The following STK32C variants were observed in gnomAD, a reference collection of about 807,000 sequenced individuals.
STK32C encodes the protein serine/threonine kinase 32C, also known as serine/threonine-protein kinase 32C.
A neutral mutation model predicts 56.5 loss-of-function variants in STK32C; 31 were observed. That is an observed-to-expected ratio of 0.55 (90% CI 0.41 to 0.74). The LOEUF is 0.74. Ranked by LOEUF, STK32C falls within the 30% of genes least tolerant of loss-of-function variation. The probability of loss-of-function intolerance (pLI) is 0.00; values close to 1 mark genes in which losing one functional copy is unlikely to be tolerated. For missense variants in STK32C, 544 were observed against 676.9 expected (o/e 0.80, Z 2.18); for synonymous variants, 309 against 289.4 (o/e 1.07, Z -0.69).
chr10:132,291,664 G>T (rs1025743386), intron 1 of STK32C, among the ~76,000 whole-genome samples: 1 of 152,308 alleles, frequency 6.6e-6, no homozygotes, highest in Non-Finnish European at 1.5e-5. Context: ...TGAACGCTGA[G>T]GCTGAGCTAT....
intron 1 of STK32C, among the ~76,000 whole-genome samples, chr10:132,275,669 G>T (rs7084346): frequency 0.054 from 8,169 of 152,258 alleles, 263 homozygotes; most frequent in African/African-American, 0.085. Context: ...CGTCACTGAC[G>T]CATCATGCCG....
In STK32C at chr10:132,255,439, C is replaced by T. The variant is rs1043445539; in HGVS notation, c.263-9484G>A. ...CAGACCCCTCACCCTCTTGCCATGGCCTGCGGGAACAAAGACCCACCACGC... is the reference window on the plus strand; with the variant it reads ...CAGACCCCTCACCCTCTTGCCATGGTCTGCGGGAACAAAGACCCACCACGC... On this transcript the variant is annotated intron_variant, in intron 1 of 11. Transcript: ENST00000298630. The surrounding 1 kb of genome is among the most constrained non-coding windows in gnomAD (Gnocchi z 4.6). Among the ~76,000 whole-genome samples the T allele has an allele frequency of 1.3e-5, 2 of 152,176 alleles. No individual in the cohort carries two copies. Among genetic ancestry groups the T allele is most frequent in the Admixed American group, 6.5e-5 (1 of 15,282 alleles).
chr10:132,304,620 G>A (rs960701857), intron 1 of STK32C, among the ~76,000 whole-genome samples: 1 of 152,220 alleles, frequency 6.6e-6, no homozygotes, highest in Admixed American at 6.5e-5. Flanking sequence ...AGGCTGGGAG[G>A]TGACACCGTG....
chr10:132,233,456 G>C lies in STK32C; in HGVS notation c.319-5328C>G, dbSNP rs377125762. Among the ~76,000 whole-genome samples, 3 of 152,328 alleles carry C rather than the reference G, an allele frequency of 2.0e-5. No individual in the cohort carries two copies. In the South Asian group the frequency reaches 6.2e-4, roughly 32 times the overall value. ...AACGCGGTGAGTGGGAATCCGTTTT[G>C]GGGTTTCAGTTTTCCCCCGATGCCT... On this transcript the variant is annotated intron_variant, in intron 2 of 11. Coordinates refer to ENST00000298630, the MANE Select transcript of STK32C (RefSeq NM_173575.4).
chr10:132,212,559 A>G (rs2062342618), intron 10 of STK32C, among the ~76,000 whole-genome samples: 1 of 152,258 alleles, frequency 6.6e-6, no homozygotes, highest in Non-Finnish European at 1.5e-5. Flanking sequence ...AAACAGCCAC[A>G]TCGGACAACG....
intron 10 of STK32C, among the ~76,000 whole-genome samples, chr10:132,219,058 G>C (rs2062554501): frequency 6.6e-6 from 1 of 152,156 alleles, no homozygotes; most frequent in Non-Finnish European, 1.5e-5. Context: ...GAGGGGAATG[G>C]GGCATGACTG....
At chr10:132,249,082 C>A in intron 1 of STK32C, 1 of 478,758 alleles carries the variant, frequency 2.1e-6, no homozygotes, top group East Asian at 6.2e-5. Flanking sequence ...CAGAGGCTCC[C>A]AGCTGGGAGG....
chr10:132,281,850 G>A (rs755890773), intron 1 of STK32C, among the ~76,000 whole-genome samples: 55 of 152,322 alleles, frequency 3.6e-4, no homozygotes, highest in Non-Finnish European at 6.0e-4. Context: ...CTGAGGCCGC[G>A]GGGCAACTTC....
rs537849769 is a variant in STK32C at position 132,239,801 on chromosome 10, C to T, written c.318+6099G>A. Among the ~76,000 whole-genome samples, 523 of 152,356 alleles carry T rather than the reference C, an allele frequency of 3.4e-3. 3 individuals are homozygous for T. Among genetic ancestry groups the T allele is most frequent in the Middle Eastern group, 6.8e-3 (2 of 294 alleles). Reference sequence around the variant, plus strand: ...GGGCTGTCATGTGAGGGGTCACTCACGGCACATAGGCCCGGGTTCCCCAGG... The same window carrying T: ...GGGCTGTCATGTGAGGGGTCACTCATGGCACATAGGCCCGGGTTCCCCAGG... On this transcript the variant is annotated intron_variant, in intron 2 of 11. Coordinates refer to ENST00000298630, the MANE Select transcript of STK32C (RefSeq NM_173575.4).
At chr10:132,280,131 CTG>C (rs1247930190) in intron 1 of STK32C, among the ~76,000 whole-genome samples, 1 of 142,582 alleles carries the variant, frequency 7.0e-6, no homozygotes, top group Non-Finnish European at 1.5e-5. Context: ...GGCCTCCACT[CTG>C]TGATCACGCC....
chr10:132,286,202 C>T (rs959029311), intron 1 of STK32C, among the ~76,000 whole-genome samples: 1 of 151,982 alleles, frequency 6.6e-6, no homozygotes, highest in African/African-American at 2.4e-5. Context: ...AAACTCATTC[C>T]TTGAAAGACA....
chr10:132,227,823 G>C (rs561390633), intron 3 of STK32C, among the ~76,000 whole-genome samples, 154 bp downstream of exon 3: 18 of 152,312 alleles, frequency 1.2e-4, no homozygotes, highest in South Asian at 2.1e-4. Context: ...CACAGGAAGG[G>C]GGATAGATGA....
chr10:132,274,177 T>C (rs2064927091), intron 1 of STK32C, among the ~76,000 whole-genome samples: 1 of 152,178 alleles, frequency 6.6e-6, no homozygotes, highest in African/African-American at 2.4e-5. Context: ...GCAAGCACCA[T>C]CCACGCTGGG....
intron 1 of STK32C, among the ~76,000 whole-genome samples, chr10:132,301,696 T>C (rs2065915672): frequency 6.6e-6 from 1 of 152,164 alleles, no homozygotes; most frequent in African/African-American, 2.4e-5. Flanking sequence ...AAATGCAAGA[T>C]GTGAACCAGG....
In STK32C at chr10:132,293,541, G is replaced by T. The variant is rs187599043; in HGVS notation, c.262+14031C>A. Among the ~76,000 whole-genome samples, 452 of 152,356 alleles carry T rather than the reference G, an allele frequency of 3.0e-3. 8 individuals carry two copies. The South Asian group carries it at 0.049, about 16-fold the overall frequency. On this transcript the variant is annotated intron_variant, in intron 1 of 11. Transcript: ENST00000298630. The stretch of plus-strand genomic sequence containing the variant: ...CCACTGGCTTGGGGTGGGCGTTACT[G>T]CAGAGCGTCTGCCACCCAGACTGGG...
chr10:132,265,264 G>A (rs1054532016), intron 1 of STK32C, among the ~76,000 whole-genome samples: 2 of 152,114 alleles, frequency 1.3e-5, no homozygotes, highest in Admixed American at 6.5e-5. Context: ...CAAGGGCGGC[G>A]AGGTGGGCTC....
chr10:132,278,565 T>A (rs1025129948), intron 1 of STK32C, among the ~76,000 whole-genome samples: 16 of 151,392 alleles, frequency 1.1e-4, no homozygotes, highest in African/African-American at 3.9e-4. Context: ...ATCAAGACCA[T>A]CCTGGCTAAC....
In STK32C at chr10:132,236,830, C is replaced by T. The variant is rs531534075; in HGVS notation, c.319-8702G>A. Reference sequence around the variant, plus strand: ...CGACCTGGTGCCTGGGGTTCACCCACCAAGCAGACCTCCTGTGGACCCGAC... The same window carrying T: ...CGACCTGGTGCCTGGGGTTCACCCATCAAGCAGACCTCCTGTGGACCCGAC... On this transcript the variant is annotated intron_variant, in intron 2 of 11. Coordinates refer to ENST00000298630, the MANE Select transcript of STK32C (RefSeq NM_173575.4). Among the ~76,000 whole-genome samples the T allele has an allele frequency of 1.8e-4, 28 of 152,340 alleles. No homozygotes were observed. In the South Asian group the frequency reaches 5.8e-3, roughly 32 times the overall value.
rs139287068 is a variant in STK32C at position 132,286,653 on chromosome 10, C to G, written c.262+20919G>C. ...CAAAATAAAGGAGGAAAAATCATCA[C>G]GTCCACAAATACAGAAGAAAAAGCA... On this transcript the variant is annotated intron_variant, in intron 1 of 11. Transcript: ENST00000298630. Among the ~76,000 whole-genome samples the G allele has an allele frequency of 5.6e-3, 853 of 152,266 alleles. 10 individuals are homozygous for G. The highest frequency in any genetic ancestry group is 0.019 in the African/African-American group (786 of 41,546).
Sources: allele counts gnomAD v4.1 joint callset (sites outside exome capture counted in the v4.1 genomes callset), GRCh38; gene constraint gnomAD v4.1.1; non-coding constraint Gnocchi (gnomAD v3.1); transcripts MANE v1.5; gene names NCBI Gene and HGNC (gene_info 2026-07-23, HGNC 2026-07-21).